The following TEX15 variants were observed in gnomAD, a reference collection of about 807,000 sequenced individuals.
TEX15 encodes the protein testis expressed 15, meiosis and synapsis associated.
A neutral mutation model predicts 237.3 loss-of-function variants in TEX15; 171 were observed. That is an observed-to-expected ratio of 0.72 (90% CI 0.64 to 0.82). TEX15 has a LOEUF of 0.82. TEX15 is among the 40% of genes least tolerant of loss of function. The probability of loss-of-function intolerance (pLI) is 0.00; values close to 1 mark genes in which losing one functional copy is unlikely to be tolerated. For missense variants in TEX15, 3,750 were observed against 3,646.5 expected, an observed-to-expected ratio of 1.03 and a Z score of -0.73; for synonymous variants, 1,338 against 1,269.8, an observed-to-expected ratio of 1.05 and a Z score of -1.14.
At position 30,849,194 on chromosome 8, in the gene TEX15, A is replaced by G; in HGVS notation, c.973T>C (p.Cys325Arg). Residue 325 changes from cysteine (C) to arginine (R), a missense_variant, in exon 8 of 11, where the codon TGC becomes CGC. Cys to Arg is a radical substitution (Grantham distance 180, BLOSUM62 -3). Coordinates refer to ENST00000643185, the MANE Select transcript of TEX15 (RefSeq NM_001350162.2). ...VDPFVQENCLCNALNSEINPF... is the reference protein window; with the variant it reads ...VDPFVQENCLRNALNSEINPF... ...TTTATCTCTGAATTTAGTGCATTGC[A>G]TAAACAGTTTTCTTGAACAAATGGA... 1.3e-6 allele frequency: 2 copies of G among 1,538,198 alleles called. No individual in the cohort carries two copies. Among genetic ancestry groups the G allele is most frequent in the Non-Finnish European group, 1.7e-6 (2 of 1,147,058 alleles).
Position 30,847,976 on chromosome 8 carries a change from A to G in TEX15, c.2191T>C (p.Tyr731His). 1 of 1,613,862 alleles carries G rather than the reference A, an allele frequency of 6.2e-7. No homozygotes were observed. Among genetic ancestry groups the G allele is most frequent in the Non-Finnish European group, 8.5e-7 (1 of 1,179,870 alleles). The change falls in exon 8 of 11, where the codon TAT (tyrosine) becomes CAT (histidine). Residue 731 changes from tyrosine to histidine, a missense_variant. Coordinates refer to ENST00000643185, the MANE Select transcript of TEX15 (RefSeq NM_001350162.2). ...AAACTTGTATGAATGTTACCCTCAT[A>G]CTCCACAGAGTGCTGAGGATGCTTT... ...SQKHPQHSVE[Y>H]EGNIHTSLAI...
At chr8:30,839,312 C>T (rs908111124) in intron 9 of TEX15, among the ~76,000 whole-genome samples, 3 of 151,958 alleles carry the variant, frequency 2.0e-5, no homozygotes, top group Non-Finnish European at 4.4e-5. Context: ...ACCAGAAATG[C>T]GATAAAATCA....
chr8:30,885,431 C>T (rs891726290), intron 3 of TEX15, among the ~76,000 whole-genome samples: 1 of 152,158 alleles, frequency 6.6e-6, no homozygotes, highest in Non-Finnish European at 1.5e-5. Context: ...ATGTGACTTG[C>T]TTCTCCTTGC....
At chr8:30,835,716 T>G (rs1266777054) in intron 10 of TEX15, among the ~76,000 whole-genome samples, 2 of 152,276 alleles carry the variant, frequency 1.3e-5, no homozygotes, top group Non-Finnish European at 2.9e-5. Context: ...TATTTTGCTT[T>G]AACTCTGATA....
At chr8:30,860,512 A>AAATTAAACTCTAAGATTAGAGTAATACC (rs1808023472) in intron 5 of TEX15, among the ~76,000 whole-genome samples, 3 of 151,984 alleles carry the variant, frequency 2.0e-5, no homozygotes, top group African/African-American at 7.3e-5. Context: ...ATTCTCCCCC[A>AAATTAAACTCTAAGATTAGAGTAATACC]AATTAAACTC....
chr8:30,831,779 C>T lies in TEX15; in HGVS notation c.*1507G>A, dbSNP rs1340131999. 2 of 152,108 alleles carry T rather than the reference C, an allele frequency of 1.3e-5. No homozygotes were observed. Among genetic ancestry groups the T allele is most frequent in the African/African-American group, 2.4e-5 (1 of 41,424 alleles). The allele number at this position is 152,108 out of a possible 1,614,324, so 9.4% of individuals were successfully genotyped here. On this transcript the variant is annotated 3_prime_UTR_variant, in exon 11 of 11. Coordinates refer to ENST00000643185, the MANE Select transcript of TEX15 (RefSeq NM_001350162.2). ...AACTATAAATGCTGTAACATCTTGC[C>T]ATAACCAAACATAAACCAAATGACT...
At position 30,847,381 on chromosome 8, in the gene TEX15, T is replaced by A; in HGVS notation, c.2786A>T (p.Asp929Val). The change falls in exon 8 of 11, where the codon GAT (aspartate) becomes GTT (valine). Residue 929 changes from aspartate to valine, a missense_variant. Physicochemically the swap from Asp to Val is radical, Grantham distance 152. Transcript: ENST00000643185. Reference sequence around the variant, plus strand: ...TGCAGTTGCTGCTGACACTGCATTATCTTCTCTGCAAATCAAGTTAAATTT... The same window carrying A: ...TGCAGTTGCTGCTGACACTGCATTAACTTCTCTGCAAATCAAGTTAAATTT... ...STKFNLICRE[D>V]NAVSAATALL... 5 of 1,613,600 alleles carry A rather than the reference T, an allele frequency of 3.1e-6. No individual in the cohort carries two copies. The highest frequency in any genetic ancestry group is 4.2e-6 in the Non-Finnish European group (5 of 1,179,846).
At chr8:30,888,687 C>A in intron 2 of TEX15, 1 of 1,281,746 alleles carries the variant, frequency 7.8e-7, no homozygotes. Context: ...CTGCTTAGTT[C>A]CAACATTAGA....
At chr8:30,841,659 C>T (rs557844842) in intron 8 of TEX15, among the ~76,000 whole-genome samples, 9 of 152,270 alleles carry the variant, frequency 5.9e-5, no homozygotes, top group East Asian at 1.9e-4. Context: ...GCTTGTTATA[C>T]AGAAAAGCTA....
At chr8:30,865,830 C>A (rs1808152282) in intron 5 of TEX15, among the ~76,000 whole-genome samples, 1 of 152,054 alleles carries the variant, frequency 6.6e-6, no homozygotes, top group Non-Finnish European at 1.5e-5. Flanking sequence ...AAACCTACAG[C>A]TAATATCATA....
At position 30,846,619 on chromosome 8, in the gene TEX15, G is replaced by A; in HGVS notation, c.3548C>T (p.Thr1183Ile). 6.2e-7 allele frequency: 1 copy of A among 1,613,814 alleles called. No individual in the cohort carries two copies. Among genetic ancestry groups the A allele is most frequent in the Admixed American group, 1.7e-5 (1 of 60,000 alleles). ...CGGTTTTGTGGCTTCAGTTACATGT[G>A]TGCAAAAACTATCTTTCAATGCAAG... ...DSLALKDSFCTHVTEATKPEI... is the reference protein window; with the variant it reads ...DSLALKDSFCIHVTEATKPEI... The change falls in exon 8 of 11, where the codon ACA becomes ATA. Residue 1183 changes from threonine (T) to isoleucine (I), a missense_variant. Coordinates refer to ENST00000643185, the MANE Select transcript of TEX15 (RefSeq NM_001350162.2).
chr8:30,871,234 T>A (rs185845351), intron 4 of TEX15, among the ~76,000 whole-genome samples: 27 of 152,182 alleles, frequency 1.8e-4, no homozygotes, highest in Admixed American at 1.5e-3. Flanking sequence ...TAAGGTGATA[T>A]ATTCACAGGT....
chr8:30,837,290 T>A lies in TEX15; in HGVS notation c.8994A>T (p.Glu2998Asp). The A allele has an allele frequency of 6.2e-7, 1 of 1,614,198 alleles. No individual in the cohort carries two copies. The highest frequency in any genetic ancestry group is 8.5e-7 in the Non-Finnish European group (1 of 1,180,034). ...VNQGAEYSLSEQQNDKNSKVL... is the reference protein window; with the variant it reads ...VNQGAEYSLSDQQNDKNSKVL... Reference sequence around the variant, plus strand: ...CTTTTGAATTTTTGTCATTCTGTTGTTCAGAAAGAGAGTACTCTGCTCCTT... The same window carrying A: ...CTTTTGAATTTTTGTCATTCTGTTGATCAGAAAGAGAGTACTCTGCTCCTT... The change falls in exon 10 of 11, where the codon GAA (glutamate) becomes GAT (aspartate). Residue 2998 changes from glutamate (E) to aspartate (D), a missense_variant. Glu to Asp is a conservative substitution (Grantham distance 45, BLOSUM62 2). Coordinates refer to ENST00000643185, the MANE Select transcript of TEX15 (RefSeq NM_001350162.2).
At chr8:30,865,386 A>G (rs186881420) in intron 5 of TEX15, among the ~76,000 whole-genome samples, 1 of 152,272 alleles carries the variant, frequency 6.6e-6, no homozygotes, top group East Asian at 1.9e-4. Flanking sequence ...AACCAACATT[A>G]AAGAATAATA....
At chr8:30,899,000 C>G (rs921472164) in intron 1 of TEX15, among the ~76,000 whole-genome samples, 183 bp from the exon 2 acceptor site, 2 of 152,092 alleles carry the variant, frequency 1.3e-5, no homozygotes, top group Non-Finnish European at 2.9e-5. Flanking sequence ...TCAGTTCCTT[C>G]TCTCAAGCCT....
In TEX15 at chr8:30,845,936, G is replaced by A; in HGVS notation, c.4231C>T (p.Pro1411Ser). ...ATTATTGCATATGATTTTGGTAATG[G>A]GCCCTTTCTTTCTTCTCCTACTTTA... ...ITKVGEERKG[P>S]LPKSYAIICN... The change falls in exon 8 of 11, where the codon CCA (proline) becomes TCA (serine). Residue 1411 changes from proline (P) to serine (S), a missense_variant. By Grantham distance (74) the Pro-to-Ser change is moderately conservative. Coordinates refer to ENST00000643185, the MANE Select transcript of TEX15 (RefSeq NM_001350162.2). The A allele has an allele frequency of 5.6e-6, 9 of 1,613,124 alleles. No individual in the cohort carries two copies. The highest frequency in any genetic ancestry group is 7.6e-6 in the Non-Finnish European group (9 of 1,179,566).
At chr8:30,857,515 C>T (rs190560097) in intron 7 of TEX15, among the ~76,000 whole-genome samples, 1 of 152,240 alleles carries the variant, frequency 6.6e-6, no homozygotes, top group African/African-American at 2.4e-5. Context: ...ACACATACAA[C>T]TGACCCAAGA....
chr8:30,901,973 C>T (rs1310219745), intron 1 of TEX15, among the ~76,000 whole-genome samples: 2 of 152,154 alleles, frequency 1.3e-5, no homozygotes, highest in African/African-American at 2.4e-5. Context: ...GTCTAGTGAA[C>T]TAGGGGAAGT....
Position 30,887,201 on chromosome 8 carries a change from G to A in TEX15, c.102C>T (p.Phe34=), listed in dbSNP as rs1220569944. The A allele has an allele frequency of 1.1e-5, 17 of 1,535,318 alleles. No individual in the cohort carries two copies. The highest frequency in any genetic ancestry group is 1.4e-5 in the Non-Finnish European group (16 of 1,146,632). Residue 34 remains phenylalanine, a synonymous_variant, in exon 3 of 11, where the codon TTC becomes TTT. Coordinates refer to ENST00000643185, the MANE Select transcript of TEX15 (RefSeq NM_001350162.2). ...CTGTCCTCCTGATCTTAGGAATGGT[G>A]AATTTCTTCAAAGGATTGACTTCAC... The part of the protein sequence containing the change: ...NTREVNPLKK[F]TIPKIRRTAE...
Sources: allele counts gnomAD v4.1 joint callset (sites outside exome capture counted in the v4.1 genomes callset), GRCh38; gene constraint gnomAD v4.1.1; transcripts MANE v1.5; gene names NCBI Gene and HGNC (gene_info 2026-07-23, HGNC 2026-07-21).